Variants in ENOX1 observed in about 807,000 individuals in gnomAD.
ENOX1 encodes the protein candidate growth-related and time keeping constitutive hydroquinone (NADH) oxidase.
ENOX1 carries 42 observed loss-of-function variants against 82.5 expected under a neutral mutation model. The ratio of observed to expected loss-of-function variants is 0.51; its 90% CI spans 0.40 to 0.66. The LOEUF is 0.66. Ranked by LOEUF, ENOX1 falls within the 30% of genes least tolerant of loss-of-function variation. The probability of loss-of-function intolerance (pLI) is 0.00; values close to 1 mark genes in which losing one functional copy is unlikely to be tolerated. For synonymous variants in ENOX1, 271 were observed against 282.2 expected (o/e 0.96, Z 0.40); for missense variants, 608 against 811.6 (o/e 0.75, Z 3.05).
chr13:43,570,549 T>C (rs933002643), intron 2 of ENOX1, among the ~76,000 whole-genome samples: 3 of 152,156 alleles, frequency 2.0e-5, no homozygotes, highest in African/African-American at 7.2e-5. Context: ...CATCTCATAA[T>C]GGTTAAGTGG....
intron 1 of ENOX1, among the ~76,000 whole-genome samples, chr13:43,767,706 G>C (rs1391906219): frequency 6.6e-6 from 1 of 152,198 alleles, no homozygotes; most frequent in Non-Finnish European, 1.5e-5. Flanking sequence ...AGTGAGCAGG[G>C]TCTGTCATAC....
intron 8 of ENOX1, among the ~76,000 whole-genome samples, chr13:43,349,137 T>C (rs976659962): frequency 3.9e-5 from 6 of 152,206 alleles, no homozygotes; most frequent in African/African-American, 1.4e-4. Flanking sequence ...TAATAAACAT[T>C]TAAATTTCAT....
rs2057448565 is a variant in ENOX1 at position 43,460,827 on chromosome 13, AAAAT to A, written c.-75+23178_-75+23181del. On this transcript the variant is annotated intron_variant, in intron 3 of 16. Coordinates refer to ENST00000690772, the MANE Select transcript of ENOX1 (RefSeq NM_001347969.2). ...AAAAAAAAAAAAAAAAAAAAAAAAAAAAATAGGGATAGCTCTCTACAAACCAAGG... is the reference window on the plus strand; with the variant it reads ...AAAAAAAAAAAAAAAAAAAAAAAAAAAGGGATAGCTCTCTACAAACCAAGG... Among the ~76,000 whole-genome samples the A allele has an allele frequency of 2.6e-4, 5 of 19,398 alleles. 1 individual carries two copies. The highest frequency in any genetic ancestry group is 6.1e-3 in the South Asian group (2 of 330). 12.7% of individuals were successfully genotyped at this position (19,398 alleles called of 152,430 possible). A position where few individuals can be genotyped will look rare whatever the true frequency, so the allele number is the denominator to read the frequency against.
chr13:43,698,767 C>T (rs941785735), intron 1 of ENOX1, among the ~76,000 whole-genome samples: 1 of 152,150 alleles, frequency 6.6e-6, no homozygotes, highest in Admixed American at 6.5e-5. Context: ...GCACACTTCA[C>T]TAGAGATATA....
Position 43,213,538 on chromosome 13 carries a change from CTTTTTCTT to C in ENOX1, c.*444_*451del, listed in dbSNP as rs1206699192. The C allele has an allele frequency of 6.5e-4, 64 of 97,882 alleles. No homozygotes were observed. Among genetic ancestry groups the C allele is most frequent in the African/African-American group, 1.9e-3 (53 of 27,232 alleles). The allele number at this position is 97,882 out of a possible 1,614,324, so 6.1% of individuals were successfully genotyped here. ...TTTTCTTTTTTCTTTTTTTCTTTTT[CTTTTTCTT>C]TTTTTTTTTTTTTTTTTTTTTACTA... On this transcript the variant is annotated 3_prime_UTR_variant, in exon 17 of 17. Transcript: ENST00000690772.
chr13:43,504,736 TGTACA>T (rs1191315259), intron 2 of ENOX1, among the ~76,000 whole-genome samples: 9 of 151,766 alleles, frequency 5.9e-5, no homozygotes, highest in Admixed American at 2.6e-4. Flanking sequence ...AGGGCTCTAC[TGTACA>T]GTAGAGTGCC....
chr13:43,670,062 C>T lies in ENOX1; in HGVS notation c.-284-2518G>A, dbSNP rs144742735. Among the ~76,000 whole-genome samples the T allele has an allele frequency of 6.0e-3, 906 of 152,214 alleles. 9 individuals are homozygous for T. The highest frequency in any genetic ancestry group is 0.02 in the African/African-American group (841 of 41,518). ...AAACCCTCCTGGAATGACTGAAACA[C>T]GCTTCATTACCAGTAAGAGCCAGAT... On this transcript the variant is annotated intron_variant, in intron 1 of 16. Coordinates refer to ENST00000690772, the MANE Select transcript of ENOX1 (RefSeq NM_001347969.2).
At chr13:43,398,336 C>T (rs1042715224) in intron 5 of ENOX1, among the ~76,000 whole-genome samples, 2 of 152,164 alleles carry the variant, frequency 1.3e-5, no homozygotes, top group African/African-American at 4.8e-5. Flanking sequence ...ACAAGCTTCC[C>T]TACCCATTCC....
At chr13:43,747,780 TC>T (rs769338910) in intron 1 of ENOX1, among the ~76,000 whole-genome samples, 1 of 152,204 alleles carries the variant, frequency 6.6e-6, no homozygotes, top group Non-Finnish European at 1.5e-5. Flanking sequence ...AGCAATACCC[TC>T]TGGACTACAG....
chr13:43,366,173 C>T (rs1380328037), intron 5 of ENOX1, among the ~76,000 whole-genome samples: 1 of 151,918 alleles, frequency 6.6e-6, no homozygotes, highest in African/African-American at 2.4e-5. Flanking sequence ...TTTTTTCAAG[C>T]ATTCTTAAAA....
chr13:43,274,616 T>C (rs1022127316), intron 12 of ENOX1, among the ~76,000 whole-genome samples: 1 of 152,228 alleles, frequency 6.6e-6, no homozygotes, highest in Admixed American at 6.5e-5. Flanking sequence ...GAAGAGTCTC[T>C]TGGTTGGATT....
At chr13:43,677,579 T>C (rs1185621677) in intron 1 of ENOX1, among the ~76,000 whole-genome samples, 1 of 152,226 alleles carries the variant, frequency 6.6e-6, no homozygotes, top group East Asian at 1.9e-4. Context: ...CCTTCAAATC[T>C]TGAGCCCAAT....
chr13:43,579,524 A>G (rs2080606290), intron 2 of ENOX1, among the ~76,000 whole-genome samples: 1 of 152,182 alleles, frequency 6.6e-6, no homozygotes, highest in African/African-American at 2.4e-5. Flanking sequence ...CTATTTTCAC[A>G]AGGGATTCAG....
intron 1 of ENOX1, among the ~76,000 whole-genome samples, chr13:43,726,031 A>C (rs2088927035): frequency 6.6e-6 from 1 of 152,082 alleles, no homozygotes; most frequent in Non-Finnish European, 1.5e-5. Flanking sequence ...CAGGAGCATA[A>C]GATAACAATA....
intron 8 of ENOX1, among the ~76,000 whole-genome samples, chr13:43,353,145 TGC>T (rs1384944150): frequency 6.6e-6 from 1 of 152,210 alleles, no homozygotes; most frequent in Non-Finnish European, 1.5e-5. Flanking sequence ...CATCTGGTCA[TGC>T]CCAGTAGAAC....
At chr13:43,720,054 AAC>A (rs1213135564) in intron 1 of ENOX1, among the ~76,000 whole-genome samples, 1 of 152,100 alleles carries the variant, frequency 6.6e-6, no homozygotes, top group East Asian at 1.9e-4. Context: ...TAAGACAGAG[AAC>A]AGTGTTTCAT....
intron 3 of ENOX1, among the ~76,000 whole-genome samples, chr13:43,419,475 G>A (rs1331420335): frequency 6.6e-6 from 1 of 152,074 alleles, no homozygotes; most frequent in Non-Finnish European, 1.5e-5. Context: ...GAGCTGGGGA[G>A]TGAGGGGTGC....
chr13:43,764,789 C>T (rs1951176300), intron 1 of ENOX1, among the ~76,000 whole-genome samples: 1 of 152,154 alleles, frequency 6.6e-6, no homozygotes, highest in African/African-American at 2.4e-5. Flanking sequence ...CTAACATTTC[C>T]TCATGTCTGT....
intron 14 of ENOX1, among the ~76,000 whole-genome samples, chr13:43,262,460 C>G (rs953502930): frequency 9.2e-5 from 14 of 152,162 alleles, no homozygotes; most frequent in Non-Finnish European, 1.9e-4. Flanking sequence ...AGCCTTTGGT[C>G]CAGAGGCTTT....
Sources: allele counts gnomAD v4.1 joint callset (sites outside exome capture counted in the v4.1 genomes callset), GRCh38; gene constraint gnomAD v4.1.1; transcripts MANE v1.5; gene names NCBI Gene and HGNC (gene_info 2026-07-23, HGNC 2026-07-21).